The following GARIN2 variants were observed in gnomAD, a reference collection of about 807,000 sequenced individuals.
GARIN2 encodes golgi associated RAB2 interactor family member 2.
chr14:67,214,284 T>C, the GARIN2 span, among the ~76,000 whole-genome samples: 2 of 152,138 alleles, frequency 1.3e-5, no homozygotes, highest in Non-Finnish European at 2.9e-5. Flanking sequence ...TCTTTTAGGG[T>C]TTTTATGGTT....
chr14:67,214,484 G>A, the GARIN2 span, among the ~76,000 whole-genome samples: 2 of 152,094 alleles, frequency 1.3e-5, no homozygotes, highest in African/African-American at 4.8e-5. Flanking sequence ...GTAGACGTGC[G>A]GCGTTATTTC....
the GARIN2 span, among the ~76,000 whole-genome samples, chr14:67,228,169 CAAAA>C: frequency 1.6e-5 from 1 of 64,134 alleles, no homozygotes; most frequent in Admixed American, 1.8e-4. Flanking sequence ...GACTTTGTCT[CAAAA>C]AAAAAAAAAA....
At chr14:67,193,530 T>C in the GARIN2 span, among the ~76,000 whole-genome samples, 1 of 143,604 alleles carries the variant, frequency 7.0e-6, no homozygotes, top group Non-Finnish European at 1.5e-5. Flanking sequence ...TAGATATAGA[T>C]CTATAGAAAT....
chr14:67,191,881 A>G, the GARIN2 span, among the ~76,000 whole-genome samples: 1 of 152,256 alleles, frequency 6.6e-6, no homozygotes, highest in Non-Finnish European at 1.5e-5. Flanking sequence ...ACACTTTGTC[A>G]AATGAAAACT....
At chr14:67,204,753 A>G in the GARIN2 span, 1 of 1,613,850 alleles carries the variant, frequency 6.2e-7, no homozygotes, top group Non-Finnish European at 8.5e-7. Flanking sequence ...GTCTCTCAGG[A>G]ATTACGAATA....
chr14:67,204,812 C>T, the GARIN2 span: 1 of 1,613,992 alleles, frequency 6.2e-7, no homozygotes, highest in Non-Finnish European at 8.5e-7. Flanking sequence ...ACCACGTTCA[C>T]AGCCATCCTG....
At chr14:67,215,408 T>TG in the GARIN2 span, among the ~76,000 whole-genome samples, 5 of 149,690 alleles carry the variant, frequency 3.3e-5, no homozygotes, top group African/African-American at 7.3e-5. Context: ...GATCTATTGT[T>TG]TTTTTTTTTT....
the GARIN2 span, chr14:67,201,440 C>G: frequency 2.2e-6 from 1 of 455,992 alleles, no homozygotes; most frequent in Non-Finnish European, 4.4e-6. Flanking sequence ...GCCAGCTCCC[C>G]TCAGGGCCTC....
chr14:67,204,020 C>T, the GARIN2 span, among the ~76,000 whole-genome samples: 175 of 152,220 alleles, frequency 1.1e-3, no homozygotes, highest in African/African-American at 3.6e-3. Context: ...CCCATTCAGA[C>T]GTTTTTATAC....
At chr14:67,204,830 A>G in the GARIN2 span, 3 of 1,614,020 alleles carry the variant, frequency 1.9e-6, no homozygotes, top group African/African-American at 1.3e-5. Context: ...CTGACCCCGT[A>G]CATGTATGCA....
the GARIN2 span, among the ~76,000 whole-genome samples, chr14:67,219,034 C>T: frequency 6.6e-6 from 1 of 151,724 alleles, no homozygotes; most frequent in Non-Finnish European, 1.5e-5. Context: ...GGCCAGTGGC[C>T]CCCCAGAGCA....
At chr14:67,215,675 A>G in the GARIN2 span, among the ~76,000 whole-genome samples, 8 of 152,182 alleles carry the variant, frequency 5.3e-5, no homozygotes, top group Non-Finnish European at 1.0e-4. Flanking sequence ...ATAAGTGAGT[A>G]TGACTTTATT....
chr14:67,226,691 A>C, the GARIN2 span, among the ~76,000 whole-genome samples: 2 of 152,182 alleles, frequency 1.3e-5, no homozygotes, highest in African/African-American at 4.8e-5. Flanking sequence ...GGGCCCCCCA[A>C]GATGCACACT....
chr14:67,199,142 G>A, the GARIN2 span: 6 of 1,507,910 alleles, frequency 4.0e-6, no homozygotes, highest in Non-Finnish European at 5.5e-6. Flanking sequence ...TTAGTGAACC[G>A]CTACTGTGGG....
chr14:67,208,338 C>G, the GARIN2 span: 2 of 1,613,956 alleles, frequency 1.2e-6, no homozygotes, highest in South Asian at 2.2e-5. Context: ...TTTCAAACTA[C>G]CTTGACCCCA....
chr14:67,189,873 C>T, the GARIN2 span: 1 of 131,310 alleles, frequency 7.6e-6, no homozygotes, highest in Non-Finnish European at 1.5e-5. Context: ...CAGAGTCTCG[C>T]TTTGTCACCC....
At chr14:67,198,233 T>G in the GARIN2 span, 1 of 1,613,980 alleles carries the variant, frequency 6.2e-7, no homozygotes, top group Non-Finnish European at 8.5e-7. Flanking sequence ...CACACTCCCA[T>G]GATCCGAGAG....
chr14:67,193,954 C>CAAA, the GARIN2 span, among the ~76,000 whole-genome samples: 24 of 85,742 alleles, frequency 2.8e-4, no homozygotes, highest in African/African-American at 6.6e-4. Flanking sequence ...CAAAAAAAAA[C>CAAA]AAAAAAAAAA....
At chr14:67,225,036 G>C in the GARIN2 span, 4 of 1,301,626 alleles carry the variant, frequency 3.1e-6, no homozygotes, top group African/African-American at 6.2e-5. Flanking sequence ...TTTTCCTCCT[G>C]CTTTTGGCTT....
Sources: gnomAD v4.1 joint callset for allele counts (sites outside exome capture counted in the v4.1 genomes callset) on GRCh38, gnomAD v4.1.1 for gene constraint, MANE v1.5 for transcripts, NCBI Gene and HGNC (gene_info 2026-07-23, HGNC 2026-07-21) for gene names.